CNTN4: variants seen among roughly 807,000 people sequenced by gnomAD.
CNTN4 encodes the protein contactin 4.
Under a neutral mutation model 122.5 loss-of-function variants are expected in CNTN4, and 77 were observed. The observed-to-expected ratio is 0.63, with a 90% confidence interval of 0.52 to 0.76. The LOEUF (loss-of-function observed/expected upper bound fraction) is 0.76. Among genes scored for constraint, CNTN4 ranks in the 30% least tolerant of loss-of-function variants. The probability of loss-of-function intolerance (pLI) is 0.00; values close to 1 mark genes in which losing one functional copy is unlikely to be tolerated. For synonymous variants in CNTN4, 512 were observed against 447.0 expected (o/e 1.15, Z -1.83); for missense variants, 1,256 against 1,259.1 (o/e 1.00, Z 0.04).
At chr3:2,527,167 G>A (rs1299251531) in intron 3 of CNTN4, among the ~76,000 whole-genome samples, 1 of 152,178 alleles carries the variant, frequency 6.6e-6, no homozygotes, top group Non-Finnish European at 1.5e-5. Context: ...TCTTAGCCAT[G>A]CACTGTTGGT....
chr3:2,570,259 G>A (rs1472631309), intron 3 of CNTN4, among the ~76,000 whole-genome samples: 2 of 151,316 alleles, frequency 1.3e-5, no homozygotes, highest in African/African-American at 2.4e-5. Flanking sequence ...CTGCAGCCTC[G>A]AACTCCTGGG....
chr3:2,899,223 A>T (rs1217295903), intron 10 of CNTN4, among the ~76,000 whole-genome samples: 1 of 152,208 alleles, frequency 6.6e-6, no homozygotes, highest in Non-Finnish European at 1.5e-5. Flanking sequence ...AGTTTTGTTT[A>T]TTATTGAAAA....
At chr3:2,447,320 C>A (rs1393658577) in intron 3 of CNTN4, among the ~76,000 whole-genome samples, 2 of 152,068 alleles carry the variant, frequency 1.3e-5, no homozygotes, top group Non-Finnish European at 2.9e-5. Context: ...AATTTTGGCA[C>A]ATTCTAATTA....
chr3:2,890,376 T>A (rs2094025180), intron 10 of CNTN4, among the ~76,000 whole-genome samples: 1 of 152,202 alleles, frequency 6.6e-6, no homozygotes. Context: ...ACCATGTAGA[T>A]GATAAAAGGT....
chr3:2,740,915 T>G (rs1284231866), intron 5 of CNTN4, among the ~76,000 whole-genome samples: 2 of 152,238 alleles, frequency 1.3e-5, no homozygotes, highest in Non-Finnish European at 2.9e-5. Context: ...TATTCATTAT[T>G]CATCCTTCAA....
intron 3 of CNTN4, among the ~76,000 whole-genome samples, chr3:2,440,704 A>G (rs2048403425): frequency 6.6e-6 from 1 of 151,418 alleles, no homozygotes. Context: ...ATATATGTAT[A>G]TACACACGTA....
At chr3:2,285,722 C>A (rs1258948965) in intron 2 of CNTN4, among the ~76,000 whole-genome samples, 1 of 152,012 alleles carries the variant, frequency 6.6e-6, no homozygotes, top group Non-Finnish European at 1.5e-5. Flanking sequence ...TCACTAATGT[C>A]ATTTTGGTAT....
intron 2 of CNTN4, among the ~76,000 whole-genome samples, chr3:2,270,721 T>G (rs1363210489): frequency 8.1e-6 from 1 of 123,572 alleles, no homozygotes; most frequent in Non-Finnish European, 2.0e-5. Context: ...AAGGCTAGTG[T>G]GACAGAAAAT....
rs184688146 is a variant in CNTN4, at chr3:2,410,505, C to T, written c.-89+71272C>T. ...TCTTGACAATTGTAAAATGGTAATC[C>T]TCCATTTTATCCTCTCAGAGGATAT... On this transcript the variant is annotated intron_variant, in intron 3 of 24. Transcript: ENST00000418658. Among the ~76,000 whole-genome samples, 675 of 152,096 alleles carry T rather than the reference C, an allele frequency of 4.4e-3. 4 individuals carry two copies. The highest frequency in any genetic ancestry group is 0.014 in the Middle Eastern group (4 of 294).
intron 2 of CNTN4, among the ~76,000 whole-genome samples, chr3:2,225,658 C>G (rs577023515): frequency 6.6e-6 from 1 of 152,324 alleles, no homozygotes; most frequent in African/African-American, 2.4e-5. Context: ...CACAAGCACT[C>G]CATTTAAAGT....
intron 2 of CNTN4, among the ~76,000 whole-genome samples, chr3:2,167,935 G>A (rs768857049): frequency 1.2e-4 from 18 of 152,086 alleles, no homozygotes; most frequent in Non-Finnish European, 1.9e-4. Flanking sequence ...GAGGCTAGGC[G>A]TTCAACAGAC....
chr3:2,591,453 C>T (rs1201959935), intron 4 of CNTN4, among the ~76,000 whole-genome samples: 2 of 50,490 alleles, frequency 4.0e-5, no homozygotes, highest in African/African-American at 6.8e-5. Context: ...CAAGCTCCGC[C>T]TCCCGGGTTC....
chr3:2,165,271 T>C (rs969936079), intron 2 of CNTN4, among the ~76,000 whole-genome samples: 44 of 151,350 alleles, frequency 2.9e-4, no homozygotes, highest in African/African-American at 1.0e-3. Context: ...TGCAGTGAGC[T>C]GAGATCGCGC....
intron 2 of CNTN4, among the ~76,000 whole-genome samples, chr3:2,283,745 C>T (rs551437777): frequency 5.3e-5 from 8 of 152,236 alleles, no homozygotes; most frequent in African/African-American, 1.9e-4. Context: ...TGAGCACCAT[C>T]ACCCATTCCC....
intron 4 of CNTN4, among the ~76,000 whole-genome samples, chr3:2,658,714 G>A (rs540829133): frequency 6.6e-5 from 10 of 152,254 alleles, no homozygotes; most frequent in Non-Finnish European, 1.2e-4. Flanking sequence ...TCTGGGAAGT[G>A]AGTAGTAGTA....
Position 3,038,314 on chromosome 3 carries a change from T to G in CNTN4, c.2093-619T>G, listed in dbSNP as rs61268813. On this transcript the variant is annotated intron_variant, in intron 18 of 24. Coordinates refer to ENST00000418658, the MANE Select transcript of CNTN4 (RefSeq NM_175607.3). ...TCCTCTCTTTTATAGAGAAAACTGG[T>G]GATCAAAGAGGTTAAGCTCAGTGAG... is the stretch of plus-strand genomic sequence containing the variant. 4.1e-3 allele frequency among the ~76,000 whole-genome samples: 626 copies of G among 152,258 alleles called. 8 individuals carry two copies. The highest frequency in any genetic ancestry group is 0.018 in the East Asian group (95 of 5,174).
chr3:2,200,648 A>T (rs932641382), intron 2 of CNTN4, among the ~76,000 whole-genome samples: 1 of 152,212 alleles, frequency 6.6e-6, no homozygotes, highest in Non-Finnish European at 1.5e-5. Context: ...CTAAATTAAT[A>T]TATTTTAAAG....
At chr3:2,259,104 G>A (rs1239999523) in intron 2 of CNTN4, among the ~76,000 whole-genome samples, 1 of 151,322 alleles carries the variant, frequency 6.6e-6, no homozygotes, top group East Asian at 1.9e-4. Flanking sequence ...TTTTGGCTCT[G>A]TAAATTTGAG....
At chr3:2,639,755 T>A (rs1396364754) in intron 4 of CNTN4, among the ~76,000 whole-genome samples, 1 of 152,228 alleles carries the variant, frequency 6.6e-6, no homozygotes, top group East Asian at 1.9e-4. Context: ...TTGTTACTAC[T>A]GCTATTTCTA....
Sources: gnomAD v4.1 joint callset for allele counts (sites outside exome capture counted in the v4.1 genomes callset) on GRCh38, gnomAD v4.1.1 for gene constraint, MANE v1.5 for transcripts, NCBI Gene and HGNC (gene_info 2026-07-23, HGNC 2026-07-21) for gene names.